The following DDX60L variants were observed in gnomAD, a reference collection of about 807,000 sequenced individuals.
DDX60L encodes probable ATP-dependent RNA helicase DDX60-like.
DDX60L carries 191 observed loss-of-function variants against 211.6 expected under a neutral mutation model. That is an observed-to-expected ratio of 0.90 (90% CI 0.80 to 1.02). The LOEUF is 1.02. Among genes scored for constraint, DDX60L ranks in the 50% least tolerant of loss-of-function variants. DDX60L has a pLI of 0.00. For synonymous variants in DDX60L, 706 were observed against 694.1 expected, an observed-to-expected ratio of 1.02 and a Z score of -0.27; for missense variants, 2,007 against 1,984.1, an observed-to-expected ratio of 1.01 and a Z score of -0.22.
rs1745341956 is a variant in DDX60L at position 168,394,101 on chromosome 4, T to C, written c.3810+364A>G. Among the ~76,000 whole-genome samples the C allele has an allele frequency of 2.6e-5, 4 of 151,078 alleles. No homozygotes were observed. In the South Asian group the frequency reaches 8.4e-4, roughly 32 times the overall value. On this transcript the variant is annotated intron_variant, in intron 28 of 37. Coordinates refer to ENST00000682922, the MANE Select transcript of DDX60L (RefSeq NM_001012967.3). ...TCCCAGCTACACGGGACGGCTAAAG[T>C]AGGAAAATTGATTGACGCTGGGAGG... is the stretch of plus-strand genomic sequence containing the variant.
rs534267813 is a variant in DDX60L at position 168,432,244 on chromosome 4, G to T, written c.1516+211C>A. ...TTCAATTAATATATATATATATATTGTGTGTGTGTGTGTATATATATATAC... is the reference window on the plus strand; with the variant it reads ...TTCAATTAATATATATATATATATTTTGTGTGTGTGTGTATATATATATAC... On this transcript the variant is annotated intron_variant, in intron 12 of 37. Coordinates refer to ENST00000682922, the MANE Select transcript of DDX60L (RefSeq NM_001012967.3). 9.7e-3 allele frequency among the ~76,000 whole-genome samples: 1,425 copies of T among 146,666 alleles called. 28 individuals are homozygous for T. The highest frequency in any genetic ancestry group is 0.033 in the African/African-American group (1,306 of 39,920).
At chr4:168,371,584 T>A (rs1216159765) in intron 36 of DDX60L, 28 bp downstream of exon 36, 1 of 1,412,054 alleles carries the variant, frequency 7.1e-7, no homozygotes. Context: ...TATGTATATA[T>A]TTTACAGAAA....
At chr4:168,445,603 T>G (rs572284455) in intron 9 of DDX60L, among the ~76,000 whole-genome samples, 3,034 of 152,098 alleles carry the variant, frequency 0.02, 102 homozygotes, top group African/African-American at 0.069. Flanking sequence ...CCAATATCCT[T>G]GATGAACATT....
intron 9 of DDX60L, among the ~76,000 whole-genome samples, chr4:168,442,750 C>A (rs1246190212): frequency 3.3e-5 from 5 of 150,370 alleles, no homozygotes; most frequent in African/African-American, 4.9e-5. Context: ...CTGGGAGGCA[C>A]CCCCCAGCAG....
At chr4:168,386,811 G>A (rs1458523451) in intron 29 of DDX60L, among the ~76,000 whole-genome samples, 1 of 152,148 alleles carries the variant, frequency 6.6e-6, no homozygotes, top group Non-Finnish European at 1.5e-5. Context: ...AAAAAAGCAA[G>A]AAGACAGAGA....
intron 22 of DDX60L, among the ~76,000 whole-genome samples, chr4:168,410,987 C>T (rs1006758710): frequency 9.9e-5 from 15 of 152,134 alleles, no homozygotes; most frequent in African/African-American, 3.4e-4. Flanking sequence ...CCAAAGAACC[C>T]GAATTAGAAC....
chr4:168,391,774 T>C (rs1409147834), intron 28 of DDX60L, 130 bp from the exon 29 acceptor site: 2 of 515,676 alleles, frequency 3.9e-6, no homozygotes, highest in Admixed American at 3.5e-5. Flanking sequence ...AAAACTAACA[T>C]ACTAACCCTA....
chr4:168,375,652 T>C, intron 33 of DDX60L, 128 bp from the exon 34 acceptor site: 1 of 819,908 alleles, frequency 1.2e-6, no homozygotes, highest in Non-Finnish European at 1.8e-6. Context: ...ATTACTTTAC[T>C]CACCTGTGAG....
At chr4:168,421,699 C>T in intron 17 of DDX60L, 61 bp downstream of exon 17, 1 of 1,585,338 alleles carries the variant, frequency 6.3e-7, no homozygotes, top group Non-Finnish European at 8.6e-7. Context: ...TGACCGTGTG[C>T]ATTCTTTTTA....
chr4:168,427,143 T>C lies in DDX60L; in HGVS notation c.1857A>G (p.Ser619=), dbSNP rs771634023. 1.2e-6 allele frequency: 2 copies of C among 1,609,882 alleles called. No individual in the cohort carries two copies. The highest frequency in any genetic ancestry group is 2.7e-5 in the African/African-American group (2 of 74,930). Residue 619 remains serine, a synonymous_variant, in exon 14 of 38, where the codon TCA becomes TCG. Transcript: ENST00000682922. ...CTAACATTTCAACTCCAAATTTCACTGAATTACTTGCACATGATGTCAAAT... is the reference window on the plus strand; with the variant it reads ...CTAACATTTCAACTCCAAATTTCACCGAATTACTTGCACATGATGTCAAAT... ...EDYLTSCASN[S]VKFGVEMLGL...
intron 37 of DDX60L, 147 bp from the exon 38 acceptor site, chr4:168,358,423 C>T (rs1738493760): frequency 1.7e-6 from 1 of 582,764 alleles, no homozygotes; most frequent in African/African-American, 2.0e-5. Context: ...TAATAAAATG[C>T]ACAGTTATCT....
intron 5 of DDX60L, among the ~76,000 whole-genome samples, chr4:168,460,341 G>A (rs1056980738): frequency 1.3e-5 from 2 of 152,098 alleles, no homozygotes; most frequent in Non-Finnish European, 2.9e-5. Flanking sequence ...TTTATGTTAA[G>A]GAATGAAATT....
chr4:168,457,363 GTGGAATTATGGATA>G (rs1317448799), intron 6 of DDX60L, among the ~76,000 whole-genome samples: 10 of 150,530 alleles, frequency 6.6e-5, no homozygotes, highest in Admixed American at 2.0e-4. Flanking sequence ...ATATCAAGAA[GTGGAATTATGGATA>G]TTCTTACTAC....
intron 10 of DDX60L, among the ~76,000 whole-genome samples, chr4:168,437,242 G>A (rs935488675): frequency 1.3e-5 from 2 of 152,112 alleles, no homozygotes; most frequent in Admixed American, 1.3e-4. Flanking sequence ...GTTAAGATAA[G>A]GTTATTCTGG....
chr4:168,428,181 C>T (rs543387160), intron 13 of DDX60L, among the ~76,000 whole-genome samples: 13 of 152,336 alleles, frequency 8.5e-5, no homozygotes, highest in African/African-American at 2.9e-4. Context: ...GCCAGCCCCA[C>T]CTGGCCACCC....
intron 14 of DDX60L, 45 bp downstream of exon 14, chr4:168,427,025 T>C: frequency 6.5e-7 from 1 of 1,529,764 alleles, no homozygotes; most frequent in Non-Finnish European, 8.8e-7. Flanking sequence ...ACATCATTAA[T>C]ATTTTCATCA....
intron 4 of DDX60L, among the ~76,000 whole-genome samples, chr4:168,464,443 A>ATTTTTTTTTT (rs34052527): frequency 7.2e-6 from 1 of 138,934 alleles, no homozygotes. Context: ...TTATAATTGT[A>ATTTTTTTTTT]TTTTTTTTTT....
chr4:168,430,926 G>C (rs964017320), intron 12 of DDX60L, among the ~76,000 whole-genome samples: 2 of 152,108 alleles, frequency 1.3e-5, no homozygotes, highest in African/African-American at 4.8e-5. Context: ...ACCTGCAACA[G>C]GGGTCTACAA....
At chr4:168,377,969 G>C (rs1476706515) in intron 33 of DDX60L, 1 of 153,752 alleles carries the variant, frequency 6.5e-6, no homozygotes, top group South Asian at 2.1e-4. Context: ...AATATTGTCT[G>C]AAGAGGACAT....
Sources: allele counts gnomAD v4.1 joint callset (sites outside exome capture counted in the v4.1 genomes callset), GRCh38; gene constraint gnomAD v4.1.1; transcripts MANE v1.5; gene names NCBI Gene and HGNC (gene_info 2026-07-23, HGNC 2026-07-21).